PRKN: variants seen among roughly 807,000 people sequenced by gnomAD.
The protein encoded by PRKN is parkin RBR E3 ubiquitin protein ligase, also known as E3 ubiquitin-protein ligase parkin.
Under a neutral mutation model 59.5 loss-of-function variants are expected in PRKN, and 56 were observed. That is an observed-to-expected ratio of 0.94 (90% CI 0.76 to 1.18). The LOEUF is 1.18. Ranked by LOEUF, PRKN falls within the 50% of genes most tolerant of loss-of-function variation. PRKN has a pLI of 0.00. For synonymous variants in PRKN, 250 were observed against 222.1 expected, an observed-to-expected ratio of 1.13 and a Z score of -1.12; for missense variants, 657 against 596.4, an observed-to-expected ratio of 1.10 and a Z score of -1.06.
intron 4 of PRKN, among the ~76,000 whole-genome samples, chr6:162,191,753 GT>G (rs569595068): frequency 2.4e-3 from 368 of 152,206 alleles, no homozygotes; most frequent in Non-Finnish European, 4.3e-3. Context: ...AGAATTATCT[GT>G]TTTATATAGA....
chr6:162,510,574 A>T (rs199848684), intron 1 of PRKN, among the ~76,000 whole-genome samples: 1 of 152,140 alleles, frequency 6.6e-6, no homozygotes, highest in African/African-American at 2.4e-5. Flanking sequence ...TAATAGAAAA[A>T]CAGCCTCTGT....
chr6:162,521,011 G>C (rs1778060968), intron 1 of PRKN, among the ~76,000 whole-genome samples: 1 of 152,042 alleles, frequency 6.6e-6, no homozygotes, highest in Non-Finnish European at 1.5e-5. Flanking sequence ...GAAAAATCTA[G>C]GGCAAATCCA....
rs1009753 is a variant in PRKN, at chr6:161,576,684, A to T, written c.872-7268T>A. Among the ~76,000 whole-genome samples, 96,898 of 152,096 alleles carry T rather than the reference A, an allele frequency of 0.64. 31,479 individuals carry two copies. Among genetic ancestry groups the T allele is most frequent in the African/African-American group, 0.76 (31,603 of 41,476 alleles). On this transcript the variant is annotated intron_variant, in intron 7 of 11. Coordinates refer to ENST00000366898, the MANE Select transcript of PRKN (RefSeq NM_004562.3). This position sits in a 1 kb window ranked among gnomAD's most constrained non-coding sequence, Gnocchi z 4.6. ...AATAAACTAATAAGTAGGTAAATGA[A>T]GTAACATTTTGGATGGTCATTAGCA...
chr6:161,545,429 T>C lies in PRKN; in HGVS notation c.1083+3425A>G. ...CTGAGGCAGCTTATTTTGTTCTTCG[T>C]TGTCCATACTGTGAGAGCAAAGAGT... On this transcript the variant is annotated intron_variant, in intron 9 of 11. Coordinates refer to ENST00000366898, the MANE Select transcript of PRKN (RefSeq NM_004562.3). This position sits in a 1 kb window ranked among gnomAD's most constrained non-coding sequence, Gnocchi z 4.1. The C allele has an allele frequency of 1.2e-6, 2 of 1,609,864 alleles. No individual in the cohort carries two copies. The highest frequency in any genetic ancestry group is 2.2e-5 in the South Asian group (2 of 90,978).
intron 6 of PRKN, among the ~76,000 whole-genome samples, chr6:161,941,502 A>C (rs1385614410): frequency 6.6e-6 from 1 of 152,226 alleles, no homozygotes; most frequent in African/African-American, 2.4e-5. Context: ...TCATTCTCCA[A>C]GGCCACTTGT....
At chr6:162,686,544 A>G (rs374670277) in intron 1 of PRKN, among the ~76,000 whole-genome samples, 4 of 152,208 alleles carry the variant, frequency 2.6e-5, no homozygotes, top group African/African-American at 7.2e-5. Context: ...TGGCTAGAAA[A>G]TAAGTTCTTC....
chr6:162,054,451 T>C (rs1253090097), intron 4 of PRKN, among the ~76,000 whole-genome samples: 4 of 152,226 alleles, frequency 2.6e-5, no homozygotes, highest in Admixed American at 2.0e-4. Context: ...TGAGGTTAAA[T>C]GCACCTTACT....
chr6:162,660,886 A>G (rs1006089225), intron 1 of PRKN, among the ~76,000 whole-genome samples: 4 of 152,150 alleles, frequency 2.6e-5, no homozygotes, highest in African/African-American at 9.7e-5. Context: ...TGGGTACTCA[A>G]GATGTTTGAT....
chr6:162,319,659 A>G (rs1181973607), intron 2 of PRKN, among the ~76,000 whole-genome samples: 1 of 152,046 alleles, frequency 6.6e-6, no homozygotes, highest in East Asian at 1.9e-4. Context: ...AAATGAAAAT[A>G]GGCTTGGGAT....
intron 1 of PRKN, among the ~76,000 whole-genome samples, chr6:162,551,232 C>G (rs1421159818): frequency 6.6e-6 from 1 of 152,146 alleles, no homozygotes; most frequent in Non-Finnish European, 1.5e-5. Context: ...AATCCCAAAA[C>G]TATGTACTAA....
Position 161,348,725 on chromosome 6 carries a change from T to C in PRKN, c.*1374A>G, listed in dbSNP as rs1353610301. On this transcript the variant is annotated 3_prime_UTR_variant, in exon 12 of 12. Transcript: ENST00000366898. This position sits in a 1 kb window ranked among gnomAD's most constrained non-coding sequence, Gnocchi z 4.9. ...ATCCAAAAGGGCCTCCATGTGCTAGTGAGACTCATGCCCTCAGTTATGTTC... is the reference window on the plus strand; with the variant it reads ...ATCCAAAAGGGCCTCCATGTGCTAGCGAGACTCATGCCCTCAGTTATGTTC... 1 of 209,930 alleles carries C rather than the reference T, an allele frequency of 4.8e-6. No homozygotes were observed. Among genetic ancestry groups the C allele is most frequent in the African/African-American group, 2.3e-5 (1 of 43,998 alleles). 13.0% of individuals were successfully genotyped at this position (209,930 alleles called of 1,614,324 possible). A position where few individuals can be genotyped will look rare whatever the true frequency, so the allele number is the denominator to read the frequency against.
intron 6 of PRKN, among the ~76,000 whole-genome samples, chr6:161,792,410 G>A (rs1431103845): frequency 6.6e-6 from 1 of 152,190 alleles, no homozygotes; most frequent in Non-Finnish European, 1.5e-5. Context: ...AGAAAAGAAT[G>A]GAGCTGTGAA....
At chr6:162,289,410 T>C (rs1052079021) in intron 2 of PRKN, among the ~76,000 whole-genome samples, 2 of 151,886 alleles carry the variant, frequency 1.3e-5, no homozygotes, top group East Asian at 1.9e-4. Context: ...AAATAGGTGT[T>C]TTTTTTTAGC....
chr6:161,986,704 A>G (rs1173733607), intron 5 of PRKN, among the ~76,000 whole-genome samples: 1 of 151,396 alleles, frequency 6.6e-6, no homozygotes, highest in Non-Finnish European at 1.5e-5. Flanking sequence ...TATTCCTCCT[A>G]ACATTTACTG....
At chr6:162,142,943 A>C (rs934384315) in intron 4 of PRKN, among the ~76,000 whole-genome samples, 1 of 152,238 alleles carries the variant, frequency 6.6e-6, no homozygotes, top group African/African-American at 2.4e-5. Flanking sequence ...CAACCTAATT[A>C]ATTAGCCTTT....
intron 2 of PRKN, among the ~76,000 whole-genome samples, chr6:162,329,989 C>A (rs1188121598): frequency 6.6e-6 from 1 of 152,180 alleles, no homozygotes; most frequent in African/African-American, 2.4e-5. Context: ...GGCTTTCCAA[C>A]AGCAAGAACT....
chr6:162,112,645 G>T (rs568472792), intron 4 of PRKN, among the ~76,000 whole-genome samples: 5 of 152,232 alleles, frequency 3.3e-5, no homozygotes, highest in African/African-American at 1.2e-4. Flanking sequence ...GCCGGGCGCA[G>T]TGGCTCATGT....
At chr6:162,707,275 T>C (rs1305250103) in intron 1 of PRKN, among the ~76,000 whole-genome samples, 1 of 152,192 alleles carries the variant, frequency 6.6e-6, no homozygotes, top group African/African-American at 2.4e-5. Context: ...ACTGAAAGTA[T>C]TCAAATTAAG....
At chr6:162,629,179 T>C (rs971711494) in intron 1 of PRKN, among the ~76,000 whole-genome samples, 4 of 152,282 alleles carry the variant, frequency 2.6e-5, no homozygotes, top group African/African-American at 9.6e-5. Context: ...TCCCAAAGTG[T>C]TGAGATACTT....
Sources: gnomAD v4.1 joint callset for allele counts (sites outside exome capture counted in the v4.1 genomes callset) on GRCh38, gnomAD v4.1.1 for gene constraint, Gnocchi (gnomAD v3.1) non-coding constraint, MANE v1.5 for transcripts, NCBI Gene and HGNC (gene_info 2026-07-23, HGNC 2026-07-21) for gene names.